GPR39: variants seen among roughly 807,000 people sequenced by gnomAD.
GPR39 encodes zinc sensing receptor.
In GPR39, 23 loss-of-function variants were observed where a neutral mutation model predicts 18.4. The ratio of observed to expected loss-of-function variants is 1.25; its 90% confidence interval spans 0.90 to 1.77. The LOEUF (loss-of-function observed/expected upper bound fraction) is 1.77, where lower values mean the gene tolerates loss of function less well. Ranked by LOEUF, GPR39 falls within the 40% of genes most tolerant of loss-of-function variation. GPR39 has a pLI of 0.00. For synonymous variants in GPR39, 280 were observed against 257.9 expected (o/e 1.09, Z -0.82); for missense variants, 647 against 602.4 (o/e 1.07, Z -0.78).
intron 1 of GPR39, among the ~76,000 whole-genome samples, chr2:132,450,715 G>C (rs4387854): frequency 0.5 from 76,309 of 152,002 alleles, 20,911 homozygotes; most frequent in Non-Finnish European, 0.62. Flanking sequence ...TTTCTGAGTG[G>C]GGTTTGAACT....
chr2:132,614,332 A>G (rs1681294123), intron 1 of GPR39, among the ~76,000 whole-genome samples: 1 of 151,566 alleles, frequency 6.6e-6, no homozygotes, highest in Non-Finnish European at 1.5e-5. Flanking sequence ...TCGGCCTCTC[A>G]AGTAGCTGGG....
chr2:132,492,650 A>AAT (rs987799702), intron 1 of GPR39, among the ~76,000 whole-genome samples: 2 of 135,406 alleles, frequency 1.5e-5, no homozygotes, highest in East Asian at 4.4e-4. Context: ...ATCTATATAT[A>AAT]ATATATATAC....
intron 1 of GPR39, among the ~76,000 whole-genome samples, chr2:132,594,032 T>C (rs1680893945): frequency 6.6e-6 from 1 of 152,182 alleles, no homozygotes; most frequent in Non-Finnish European, 1.5e-5. Flanking sequence ...GTCAAATCTT[T>C]ACAGGTAATC....
intron 1 of GPR39, among the ~76,000 whole-genome samples, chr2:132,494,079 C>T (rs867720391): frequency 2.6e-5 from 4 of 151,960 alleles, no homozygotes; most frequent in East Asian, 1.9e-4. Flanking sequence ...GCAGCTAGGA[C>T]GTGAGGGAGT....
chr2:132,536,497 C>T (rs776193739), intron 1 of GPR39, among the ~76,000 whole-genome samples: 8 of 152,082 alleles, frequency 5.3e-5, no homozygotes, highest in East Asian at 1.9e-4. Context: ...ATTATATGGT[C>T]GACTTTAGAA....
intron 1 of GPR39, among the ~76,000 whole-genome samples, chr2:132,455,445 T>C (rs1318096383): frequency 1.3e-5 from 2 of 152,194 alleles, no homozygotes; most frequent in Admixed American, 6.5e-5. Context: ...CCTGGAGTCA[T>C]TGAATTTTGA....
chr2:132,458,218 A>G (rs1333448204), intron 1 of GPR39, among the ~76,000 whole-genome samples: 2 of 152,102 alleles, frequency 1.3e-5, no homozygotes, highest in Admixed American at 1.3e-4. Context: ...TGCATCAGTC[A>G]TGCTGGGAGC....
At chr2:132,522,136 G>A (rs1014106797) in intron 1 of GPR39, among the ~76,000 whole-genome samples, 2 of 152,116 alleles carry the variant, frequency 1.3e-5, no homozygotes, top group Non-Finnish European at 2.9e-5. Context: ...ATCTGTCAAA[G>A]GCCATCCTTA....
chr2:132,604,986 G>C (rs1240661294), intron 1 of GPR39: 1 of 152,166 alleles, frequency 6.6e-6, no homozygotes, highest in East Asian at 1.9e-4. Flanking sequence ...CATACAAAGT[G>C]CTTTACATAT....
chr2:132,450,723 A>G (rs1366731115), intron 1 of GPR39, among the ~76,000 whole-genome samples: 1 of 152,162 alleles, frequency 6.6e-6, no homozygotes, highest in Non-Finnish European at 1.5e-5. Flanking sequence ...TGGGGTTTGA[A>G]CTTCTTCCCT....
Position 132,645,941 on chromosome 2 carries a change from A to G in GPR39, c.*335A>G, listed in dbSNP as rs1682045692. ...AAGAGAACACGGACTCCCGCTCCCT[A>G]CCCAGAATAAAAGGACACCCAGAAG... On this transcript the variant is annotated 3_prime_UTR_variant, in exon 2 of 2. Transcript: ENST00000329321. 1 of 841,798 alleles carries G rather than the reference A, an allele frequency of 1.2e-6. No homozygotes were observed. The highest frequency in any genetic ancestry group is 2.7e-5 in the East Asian group (1 of 36,722). The allele number at this position is 841,798 out of a possible 1,614,324, so 52.1% of individuals were successfully genotyped here.
At chr2:132,425,877 T>A (rs80336020) in intron 1 of GPR39, among the ~76,000 whole-genome samples, 5 of 151,914 alleles carry the variant, frequency 3.3e-5, no homozygotes, top group African/African-American at 1.2e-4. Context: ...AGAGGTAAAA[T>A]TCCCCCCCAG....
In GPR39 at chr2:132,535,634, T is replaced by C. The variant is rs559709602; in HGVS notation, c.857-109467T>C. 3.4e-4 allele frequency among the ~76,000 whole-genome samples: 51 copies of C among 151,846 alleles called. 1 individual carries two copies. Among genetic ancestry groups the C allele is most frequent in the Non-Finnish European group, 5.6e-4 (38 of 67,958 alleles). On this transcript the variant is annotated intron_variant, in intron 1 of 1. Coordinates refer to ENST00000329321, the MANE Select transcript of GPR39 (RefSeq NM_001508.3). ...TTGTTTGGAATAGTTTCAGAAGGAA[T>C]GGTACCAGCTCCTCTTTGTATCTCT... is the stretch of plus-strand genomic sequence containing the variant.
intron 1 of GPR39, among the ~76,000 whole-genome samples, chr2:132,468,522 G>T (rs963537095): frequency 6.6e-6 from 1 of 152,204 alleles, no homozygotes; most frequent in South Asian, 2.1e-4. Context: ...GTTTGGCTGA[G>T]GCTAGGGATG....
intron 1 of GPR39, among the ~76,000 whole-genome samples, chr2:132,518,454 A>G (rs1213422042): frequency 6.6e-6 from 1 of 152,224 alleles, no homozygotes; most frequent in Non-Finnish European, 1.5e-5. Flanking sequence ...ATGCACTGCG[A>G]GTAATGTGTG....
At chr2:132,431,945 C>T (rs1680230596) in intron 1 of GPR39, among the ~76,000 whole-genome samples, 1 of 152,192 alleles carries the variant, frequency 6.6e-6, no homozygotes, top group Non-Finnish European at 1.5e-5. Context: ...TCAGCAGGAC[C>T]TTAGAGCTTA....
chr2:132,425,330 C>T (rs925814834), intron 1 of GPR39, among the ~76,000 whole-genome samples: 1 of 152,184 alleles, frequency 6.6e-6, no homozygotes, highest in East Asian at 1.9e-4. Flanking sequence ...GGACCCTTCA[C>T]TGTTGTACAT....
chr2:132,614,194 G>GT (rs1681287977), intron 1 of GPR39, among the ~76,000 whole-genome samples: 8 of 148,624 alleles, frequency 5.4e-5, no homozygotes, highest in Non-Finnish European at 9.0e-5. Flanking sequence ...TTTTGTTTTT[G>GT]TTTTGTTTTG....
intron 1 of GPR39, among the ~76,000 whole-genome samples, chr2:132,462,256 C>T (rs1459266883): frequency 6.6e-6 from 1 of 152,214 alleles, no homozygotes; most frequent in African/African-American, 2.4e-5. Context: ...GAGTAGACCA[C>T]CAGAGGCCAC....
Sources: allele counts gnomAD v4.1 joint callset (sites outside exome capture counted in the v4.1 genomes callset), GRCh38; gene constraint gnomAD v4.1.1; transcripts MANE v1.5; gene names NCBI Gene and HGNC (gene_info 2026-07-23, HGNC 2026-07-21).